Variants in PCDHA11 observed in about 807,000 individuals in gnomAD.
PCDHA11 encodes protocadherin alpha 11.
Under a neutral mutation model 70.3 loss-of-function variants are expected in PCDHA11, and 61 were observed. The ratio of observed to expected loss-of-function variants is 0.87; its 90% CI spans 0.71 to 1.07. The LOEUF (loss-of-function observed/expected upper bound fraction) is 1.07, where lower values mean the gene tolerates loss of function less well. PCDHA11 is among the 50% of genes least tolerant of loss of function. PCDHA11 has a pLI of 0.00. For synonymous variants in PCDHA11, 633 were observed against 555.1 expected (o/e 1.14, Z -1.97); for missense variants, 1,324 against 1,237.5 (o/e 1.07, Z -1.05).
chr5:140,919,080 T>C (rs1208413625), intron 1 of PCDHA11, among the ~76,000 whole-genome samples: 1 of 152,260 alleles, frequency 6.6e-6, no homozygotes, highest in Non-Finnish European at 1.5e-5. Flanking sequence ...GTTATGACTA[T>C]TGAATTGTCT....
chr5:140,966,109 C>G (rs373588380), intron 1 of PCDHA11: 47 of 156,394 alleles, frequency 3.0e-4, no homozygotes, highest in African/African-American at 1.1e-3. Context: ...GCCTGGGTGC[C>G]CATACTTAGC....
chr5:140,876,286 G>C (rs782471001), intron 1 of PCDHA11: 14 of 1,614,040 alleles, frequency 8.7e-6, no homozygotes, highest in Non-Finnish European at 1.0e-5. Context: ...TCCAGACGAA[G>C]GACTTAATGG....
chr5:141,006,974 G>A (rs782657772), intron 3 of PCDHA11, among the ~76,000 whole-genome samples: 6 of 152,174 alleles, frequency 3.9e-5, no homozygotes, highest in Admixed American at 3.9e-4. Context: ...GGAGCACAGA[G>A]AGATGTGGGC....
At chr5:141,005,939 C>A (rs1183397075) in intron 3 of PCDHA11, among the ~76,000 whole-genome samples, 2 of 151,786 alleles carry the variant, frequency 1.3e-5, no homozygotes, top group Non-Finnish European at 2.9e-5. Flanking sequence ...AGAGTGAGAA[C>A]CTATCTCTAA....
In PCDHA11 at chr5:140,870,516, C is replaced by A. The variant is rs568100247; in HGVS notation, c.1413C>A (p.Cys471Ter). The A allele has an allele frequency of 2.2e-4, 361 of 1,614,240 alleles. 3 individuals carry two copies. In the South Asian group the frequency reaches 3.8e-3, roughly 17 times the overall value. Reference protein sequence around the residue: ...VFVKENNPPGCHIFTVSARDA... With the variant: ...VFVKENNPPG ...TGAAGGAGAACAACCCACCAGGCTG[C>A]CACATCTTCACAGTGTCGGCGCGGG... is the stretch of plus-strand genomic sequence containing the variant. The change falls in exon 1 of 4, where the codon TGC becomes TGA. Residue 471 changes from cysteine (C) to a stop codon, truncating the protein, a stop_gained. Coordinates refer to ENST00000398640, the MANE Select transcript of PCDHA11 (RefSeq NM_018902.5). LOFTEE classifies it high-confidence loss of function.
At position 141,010,302 on chromosome 5, in the gene PCDHA11, A is replaced by C; in HGVS notation, c.*365A>C. On this transcript the variant is annotated 3_prime_UTR_variant, in exon 4 of 4. Coordinates refer to ENST00000398640, the MANE Select transcript of PCDHA11 (RefSeq NM_018902.5). ...TGATGACACTTGCAGGGCAGGCTGA[A>C]AAGTTTTGAGATTGAGCAGCTTGGG... The C allele has an allele frequency of 6.5e-7, 1 of 1,549,074 alleles. No individual in the cohort carries two copies. The highest frequency in any genetic ancestry group is 8.7e-7 in the Non-Finnish European group (1 of 1,146,244).
intron 1 of PCDHA11, among the ~76,000 whole-genome samples, chr5:140,945,282 T>C (rs1554216856): frequency 6.6e-6 from 1 of 152,062 alleles, no homozygotes; most frequent in African/African-American, 2.4e-5. Context: ...TTTAAAACAT[T>C]GATGAAAGAA....
At position 140,927,384 on chromosome 5, in the gene PCDHA11, C is replaced by G. The variant is rs2084146194; in HGVS notation, c.2392-51565C>G. On this transcript the variant is annotated intron_variant, in intron 1 of 3. Transcript: ENST00000398640. Reference sequence around the variant, plus strand: ...ATGGGATACTAAGCTACAGCCTAAGCCCCAGTCAGCACTTTCGCCTGGACA... The same window carrying G: ...ATGGGATACTAAGCTACAGCCTAAGGCCCAGTCAGCACTTTCGCCTGGACA... 1 of 1,613,996 alleles carries G rather than the reference C, an allele frequency of 6.2e-7. No individual in the cohort carries two copies. The highest frequency in any genetic ancestry group is 1.7e-5 in the Admixed American group (1 of 60,010).
Position 140,869,464 on chromosome 5 carries a change from G to C in PCDHA11, c.361G>C (p.Val121Leu). Residue 121 changes from valine to leucine, a missense_variant, in exon 1 of 4, where the codon GTG (valine) becomes CTG (leucine). Transcript: ENST00000398640. The part of the protein sequence containing the change: ...DRPLQVFHVN[V>L]EVKDINDNPP... ...GCCGCTGCAGGTTTTCCATGTGAACGTGGAGGTGAAGGACATTAACGACAA... is the reference window on the plus strand; with the variant it reads ...GCCGCTGCAGGTTTTCCATGTGAACCTGGAGGTGAAGGACATTAACGACAA... 6.2e-7 allele frequency: 1 copy of C among 1,614,198 alleles called. No homozygotes were observed. The highest frequency in any genetic ancestry group is 8.5e-7 in the Non-Finnish European group (1 of 1,180,032).
chr5:140,999,985 G>T (rs1451778210), intron 3 of PCDHA11, among the ~76,000 whole-genome samples: 1 of 152,022 alleles, frequency 6.6e-6, no homozygotes, highest in African/African-American at 2.4e-5. Context: ...AGCGGCCTCT[G>T]GGTAGTGGTA....
chr5:140,935,144 A>C (rs1289868558), intron 1 of PCDHA11, among the ~76,000 whole-genome samples: 1 of 152,184 alleles, frequency 6.6e-6, no homozygotes, highest in Non-Finnish European at 1.5e-5. Flanking sequence ...TGATACTTAG[A>C]GATATAATCT....
chr5:140,941,173 A>G (rs1235741316), intron 1 of PCDHA11, among the ~76,000 whole-genome samples: 5 of 135,522 alleles, frequency 3.7e-5, no homozygotes, highest in Non-Finnish European at 4.9e-5. Flanking sequence ...CCCCATCTTG[A>G]ACATCCTGCT....
chr5:140,945,346 A>C (rs2093775452), intron 1 of PCDHA11, among the ~76,000 whole-genome samples: 1 of 152,132 alleles, frequency 6.6e-6, no homozygotes, highest in South Asian at 2.1e-4. Context: ...AGCTTGGAAA[A>C]ATTAATACTG....
intron 1 of PCDHA11, among the ~76,000 whole-genome samples, chr5:140,959,052 A>C (rs992294371): frequency 3.3e-5 from 5 of 152,078 alleles, no homozygotes; most frequent in Admixed American, 6.6e-5. Context: ...ATAGGAAAAA[A>C]TGCAGTATAT....
intron 1 of PCDHA11, chr5:140,968,002 G>A: frequency 6.2e-7 from 1 of 1,614,208 alleles, no homozygotes; most frequent in South Asian, 1.1e-5. Flanking sequence ...CTTTCCGACT[G>A]AATGGCTTTG....
intron 1 of PCDHA11, chr5:140,877,987 C>T: frequency 3.5e-6 from 4 of 1,151,316 alleles, no homozygotes; most frequent in Non-Finnish European, 4.6e-6. Context: ...TCATTTTGAA[C>T]TTTTATGTAT....
At chr5:140,971,743 A>G (rs979953004) in intron 1 of PCDHA11, among the ~76,000 whole-genome samples, 1 of 151,474 alleles carries the variant, frequency 6.6e-6, no homozygotes, top group African/African-American at 2.4e-5. Flanking sequence ...ACACATACAT[A>G]TATCTCATAT....
chr5:140,869,456 AT>A lies in PCDHA11; in HGVS notation c.354del (p.His118GlnfsTer2), dbSNP rs1175063244. 1 of 1,614,072 alleles carries A rather than the reference AT, an allele frequency of 6.2e-7. No homozygotes were observed. The highest frequency in any genetic ancestry group is 2.2e-5 in the East Asian group (1 of 44,890). ...GTGGACAGGCCGCTGCAGGTTTTCC[AT>A]GTGAACGTGGAGGTGAAGGACATTA... ...VIVDRPLQVF[H>X]VNVEVKDIND... On this transcript the variant is annotated frameshift_variant, in exon 1 of 4. Coordinates refer to ENST00000398640, the MANE Select transcript of PCDHA11 (RefSeq NM_018902.5). LOFTEE classifies it high-confidence loss of function.
At chr5:140,968,624 C>CT in intron 1 of PCDHA11, 3 of 1,614,176 alleles carry the variant, frequency 1.9e-6, no homozygotes, top group East Asian at 2.2e-5. Context: ...AAATGCTTGG[C>CT]TTTTTTACCA....
Sources: allele counts gnomAD v4.1 joint callset (sites outside exome capture counted in the v4.1 genomes callset), GRCh38; gene constraint gnomAD v4.1.1; transcripts MANE v1.5; gene names NCBI Gene and HGNC (gene_info 2026-07-23, HGNC 2026-07-21).